CBFA2T3: variants seen among roughly 807,000 people sequenced by gnomAD.
CBFA2T3 encodes the protein CBFA2/RUNX1 partner transcriptional co-repressor 3, also known as transcriptional corepressor CBFA2T3.
In CBFA2T3, 31 loss-of-function variants were observed where a neutral mutation model predicts 58.6. The observed-to-expected ratio is 0.53, with a 90% CI of 0.40 to 0.71. The LOEUF (loss-of-function observed/expected upper bound fraction) is 0.71, where lower values mean the gene tolerates loss of function less well. CBFA2T3 is among the 30% of genes least tolerant of loss of function. CBFA2T3 has a pLI of 0.00. For missense variants in CBFA2T3, 1,076 were observed against 963.1 expected (o/e 1.12, Z -1.55); for synonymous variants, 531 against 421.9 (o/e 1.26, Z -3.17).
Position 88,959,058 on chromosome 16 carries a change from A to T in CBFA2T3, c.151+17599T>A, listed in dbSNP as rs113664347. ...AACCCAGGGCCAGGATTCAGAGGGG[A>T]ACAGAGAGGAAGCCCCATCCTCGCG... is the stretch of plus-strand genomic sequence containing the variant. On this transcript the variant is annotated intron_variant, in intron 1 of 11. Coordinates refer to ENST00000268679, the MANE Select transcript of CBFA2T3 (RefSeq NM_005187.6). Among the ~76,000 whole-genome samples the T allele has an allele frequency of 3.2e-3, 482 of 152,172 alleles. 3 individuals carry two copies. Among genetic ancestry groups the T allele is most frequent in the African/African-American group, 0.011 (449 of 41,520 alleles).
chr16:88,893,836 C>T (rs965078055), intron 3 of CBFA2T3, among the ~76,000 whole-genome samples: 1 of 152,196 alleles, frequency 6.6e-6, no homozygotes, highest in Admixed American at 6.5e-5. Flanking sequence ...GCGCACCCCT[C>T]CTGCGCCTGG....
At chr16:88,976,585 A>G (rs2142899045) in intron 1 of CBFA2T3, 72 bp downstream of exon 1, 1 of 1,187,720 alleles carries the variant, frequency 8.4e-7, no homozygotes, top group East Asian at 2.6e-5. Context: ...GCGAAGCTCT[A>G]AGGAGTCACA....
At chr16:88,899,357 G>A (rs1185459793) in intron 2 of CBFA2T3, among the ~76,000 whole-genome samples, 1 of 152,296 alleles carries the variant, frequency 6.6e-6, no homozygotes, top group South Asian at 2.1e-4. Context: ...GGCTACCTCA[G>A]GGGTGGCCAG....
chr16:88,891,125 C>A (rs1038004725), intron 5 of CBFA2T3, among the ~76,000 whole-genome samples: 5 of 152,118 alleles, frequency 3.3e-5, no homozygotes, highest in Non-Finnish European at 7.4e-5. Flanking sequence ...CATCCATCGG[C>A]CTGCGCAGCC....
At chr16:88,916,199 CG>C (rs1411167954) in intron 1 of CBFA2T3, among the ~76,000 whole-genome samples, 2 of 142,216 alleles carry the variant, frequency 1.4e-5, no homozygotes, top group East Asian at 2.0e-4. Flanking sequence ...GGTGTGTGTC[CG>C]TGTACATGCA....
chr16:88,919,158 C>A (rs1463131843), intron 1 of CBFA2T3, among the ~76,000 whole-genome samples: 4 of 152,132 alleles, frequency 2.6e-5, no homozygotes, highest in Non-Finnish European at 5.9e-5. Flanking sequence ...CAAATTACTT[C>A]CTCCTTCCTT....
At chr16:88,932,707 G>A (rs942077592) in intron 1 of CBFA2T3, among the ~76,000 whole-genome samples, 2 of 150,030 alleles carry the variant, frequency 1.3e-5, no homozygotes, top group Non-Finnish European at 3.0e-5. Flanking sequence ...CAGCACTTTG[G>A]GAGGCTGAGG....
chr16:88,920,716 C>G (rs560207230), intron 1 of CBFA2T3, among the ~76,000 whole-genome samples: 2 of 152,346 alleles, frequency 1.3e-5, no homozygotes, highest in African/African-American at 4.8e-5. Context: ...GCCTCTGCCT[C>G]CCCGTGGGGC....
Position 88,875,329 on chromosome 16 carries a change from T to C in CBFA2T3, c.*1647A>G. 1 of 84,086 alleles carries C rather than the reference T, an allele frequency of 1.2e-5. No individual in the cohort carries two copies. Among genetic ancestry groups the C allele is most frequent in the East Asian group, 3.0e-4 (1 of 3,312 alleles). 5.2% of individuals were successfully genotyped at this position (84,086 alleles called of 1,614,324 possible). A position where few individuals can be genotyped will look rare whatever the true frequency, so the allele number is the denominator to read the frequency against. ...AAATCGCTGAGGCAGTTGAGAGGAG[T>C]GGAGGGAGGGTGGGCAGGGCTGGAG... On this transcript the variant is annotated 3_prime_UTR_variant, in exon 12 of 12. Transcript: ENST00000268679.
rs537259482 is a variant in CBFA2T3, at chr16:88,930,451, G to T, written c.152-28795C>A. 5.9e-5 allele frequency among the ~76,000 whole-genome samples: 9 copies of T among 152,188 alleles called. 1 individual carries two copies. In the East Asian group the frequency reaches 1.7e-3, roughly 29 times the overall value. On this transcript the variant is annotated intron_variant, in intron 1 of 11. Coordinates refer to ENST00000268679, the MANE Select transcript of CBFA2T3 (RefSeq NM_005187.6). ...AACAACAATGGGGGCAACAACCCAC[G>T]CGTCCATCAACGGACACACAAAACG...
At chr16:88,941,122 CAG>C (rs1971710879) in intron 1 of CBFA2T3, 2 of 984,086 alleles carry the variant, frequency 2.0e-6, no homozygotes, top group Non-Finnish European at 2.4e-6. Flanking sequence ...CTCCACGACT[CAG>C]GGGCGGCTGC....
intron 11 of CBFA2T3, 40 bp downstream of exon 11, chr16:88,879,230 G>T: frequency 6.5e-7 from 1 of 1,539,278 alleles, no homozygotes. Flanking sequence ...CACGGGAGCC[G>T]AGGCAGGGGA....
chr16:88,945,025 A>C (rs1448820782), intron 1 of CBFA2T3, among the ~76,000 whole-genome samples: 3 of 152,260 alleles, frequency 2.0e-5, no homozygotes, highest in African/African-American at 7.2e-5. Flanking sequence ...AGTTCTGAGC[A>C]CTATAGACTC....
At position 88,886,055 on chromosome 16, in the gene CBFA2T3, G is replaced by A; in HGVS notation, c.799C>T (p.Gln267Ter). Residue 267 changes from glutamine to a stop codon, truncating the protein, a stop_gained, in exon 6 of 12, where the codon CAG becomes TAG. Transcript: ENST00000268679. LOFTEE classifies it high-confidence loss of function. ...GAGGCGCTGGCGTCCAGCAGGAGCT[G>A]CTCATGCTGGGCCAAGTACTGGGCG... is the stretch of plus-strand genomic sequence containing the variant. ...TPAQYLAQHE[Q>*]LLLDASASSP... is the part of the protein sequence containing the mutation. 6.3e-7 allele frequency: 1 copy of A among 1,587,222 alleles called. No homozygotes were observed. The highest frequency in any genetic ancestry group is 8.5e-7 in the Non-Finnish European group (1 of 1,171,648).
rs536152938 is a variant in CBFA2T3, at chr16:88,877,125, C to T, written c.1813G>A (p.Asp605Asn). 2.8e-5 allele frequency: 43 copies of T among 1,548,404 alleles called. 1 individual carries two copies. In the Admixed American group the frequency reaches 5.7e-4, roughly 20 times the overall value. Residue 605 changes from aspartate (D) to asparagine (N), a missense_variant, in exon 12 of 12, where the codon GAC (aspartate) becomes AAC (asparagine). By Grantham distance (23) the Asp-to-Asn change is conservative. Coordinates refer to ENST00000268679, the MANE Select transcript of CBFA2T3 (RefSeq NM_005187.6). ...GCTTCGGGCGGTCCAGGCACCGGGT[C>T]GGCCACCACGGCTGTGGGGCCCTGC... Reference protein sequence around the residue: ...SLQGPTAVVADPVPGPPEAAH... With the variant: ...SLQGPTAVVANPVPGPPEAAH...
chr16:88,936,130 C>T (rs1380936496), intron 1 of CBFA2T3, among the ~76,000 whole-genome samples: 2 of 152,164 alleles, frequency 1.3e-5, no homozygotes, highest in African/African-American at 2.4e-5. Context: ...TTCCCGGGTA[C>T]TCAGGGAGGT....
Position 88,976,755 on chromosome 16 carries a change from G to A in CBFA2T3, c.53C>T (p.Thr18Ile), listed in dbSNP as rs772626331. Residue 18 changes from threonine (T) to isoleucine (I), a missense_variant, in exon 1 of 12, where the codon ACC (threonine) becomes ATC (isoleucine). Physicochemically the swap from Thr to Ile is moderately conservative, Grantham distance 89. Coordinates refer to ENST00000268679, the MANE Select transcript of CBFA2T3 (RefSeq NM_005187.6). ...DRAASSASGS[T>I]CGSMSQTHPV... ...GTGCGTCTGGGACATGGAGCCACAG[G>A]TGGATCCCGAGGCTGAACTGGCTGC... 1.9e-6 allele frequency: 3 copies of A among 1,557,306 alleles called. No homozygotes were observed. Among genetic ancestry groups the A allele is most frequent in the East Asian group, 2.4e-5 (1 of 41,944 alleles).
chr16:88,881,240 C>A, intron 9 of CBFA2T3, 51 bp downstream of exon 9: 1 of 1,513,004 alleles, frequency 6.6e-7, no homozygotes. Context: ...CAGGTGTCCG[C>A]CCCACCAGAG....
intron 1 of CBFA2T3, among the ~76,000 whole-genome samples, chr16:88,902,231 G>A (rs1371071821): frequency 6.6e-6 from 1 of 152,186 alleles, no homozygotes; most frequent in African/African-American, 2.4e-5. Flanking sequence ...CCAGGGAGAG[G>A]CCGGCAGGCA....
Sources: allele counts gnomAD v4.1 joint callset (sites outside exome capture counted in the v4.1 genomes callset), GRCh38; gene constraint gnomAD v4.1.1; transcripts MANE v1.5; gene names NCBI Gene and HGNC (gene_info 2026-07-23, HGNC 2026-07-21).